The following CTNNA2 variants were observed in gnomAD, a reference collection of about 807,000 sequenced individuals.
CTNNA2 encodes the protein catenin alpha-2.
CTNNA2 carries 42 observed loss-of-function variants against 101.0 expected under a neutral mutation model. The observed-to-expected ratio is 0.42, with a 90% CI of 0.32 to 0.54. CTNNA2 has a LOEUF of 0.54. Among genes scored for constraint, CTNNA2 ranks in the 20% least tolerant of loss-of-function variants. The pLI is 0.14. For synonymous variants in CTNNA2, 450 were observed against 456.4 expected, an observed-to-expected ratio of 0.99 and a Z score of 0.18; for missense variants, 871 against 1,223.1, an observed-to-expected ratio of 0.71 and a Z score of 4.29.
chr2:79,443,896 T>C (rs2104520763), intron 4 of CTNNA2, among the ~76,000 whole-genome samples: 1 of 120,370 alleles, frequency 8.3e-6, no homozygotes, highest in East Asian at 3.3e-4. Context: ...ATCTTATTTG[T>C]ATACATACTC....
intron 2 of CTNNA2, among the ~76,000 whole-genome samples, chr2:79,654,376 G>T (rs1165817392): frequency 6.6e-6 from 1 of 152,160 alleles, no homozygotes; most frequent in Non-Finnish European, 1.5e-5. Context: ...GACCAGTGTG[G>T]CTCTAGGGAG....
intron 2 of CTNNA2, among the ~76,000 whole-genome samples, chr2:79,223,583 G>A (rs545034536): frequency 6.6e-6 from 1 of 152,140 alleles, no homozygotes; most frequent in Non-Finnish European, 1.5e-5. Context: ...TCACCCATCA[G>A]TAAGACAGCA....
At chr2:79,741,067 C>T (rs945367350) in intron 2 of CTNNA2, among the ~76,000 whole-genome samples, 31 of 132,594 alleles carry the variant, frequency 2.3e-4, no homozygotes, top group African/African-American at 5.2e-4. Context: ...GGCAAGAGAA[C>T]GGGCACGGCA....
chr2:79,395,400 A>G (rs906060597), intron 4 of CTNNA2, among the ~76,000 whole-genome samples: 2 of 151,288 alleles, frequency 1.3e-5, no homozygotes, highest in Non-Finnish European at 2.9e-5. Flanking sequence ...CCTCCCCCCA[A>G]CCCACAACAG....
chr2:79,977,990 C>T (rs1444789612), intron 7 of CTNNA2, among the ~76,000 whole-genome samples: 3 of 152,136 alleles, frequency 2.0e-5, no homozygotes. Context: ...AATACTAGTA[C>T]AGAGCAGCAG....
chr2:80,313,647 G>A (rs780662366), intron 7 of CTNNA2: 40 of 1,605,998 alleles, frequency 2.5e-5, no homozygotes, highest in Non-Finnish European at 3.1e-5. Context: ...ACCATGTCTG[G>A]AGCACAGGTA....
At chr2:80,601,059 T>C (rs1697454890) in intron 15 of CTNNA2, among the ~76,000 whole-genome samples, 1 of 152,146 alleles carries the variant, frequency 6.6e-6, no homozygotes, top group African/African-American at 2.4e-5. Flanking sequence ...GTCCAGGAAG[T>C]AAATATTCCC....
At chr2:79,836,616 T>C (rs1224146582) in intron 3 of CTNNA2, among the ~76,000 whole-genome samples, 1 of 152,186 alleles carries the variant, frequency 6.6e-6, no homozygotes, top group Non-Finnish European at 1.5e-5. Flanking sequence ...TTGAAACATG[T>C]AGGGAATAAT....
intron 7 of CTNNA2, among the ~76,000 whole-genome samples, chr2:80,167,259 T>C (rs1048446449): frequency 2.6e-5 from 4 of 152,206 alleles, no homozygotes; most frequent in African/African-American, 9.7e-5. Flanking sequence ...AATATATTTT[T>C]CTTGTTATTA....
intron 9 of CTNNA2, among the ~76,000 whole-genome samples, chr2:80,512,718 A>G (rs894007286): frequency 1.3e-5 from 2 of 151,532 alleles, no homozygotes; most frequent in African/African-American, 4.9e-5. Context: ...GAATCACTAC[A>G]TTTGTTCACC....
intron 7 of CTNNA2, among the ~76,000 whole-genome samples, chr2:80,180,391 A>C (rs1050232749): frequency 6.6e-6 from 1 of 152,166 alleles, no homozygotes; most frequent in East Asian, 1.9e-4. Flanking sequence ...CTTGCTGTCA[A>C]TTTCAGTTCT....
intron 4 of CTNNA2, among the ~76,000 whole-genome samples, chr2:79,485,235 A>T (rs950920390): frequency 1.3e-5 from 2 of 152,160 alleles, no homozygotes; most frequent in Non-Finnish European, 2.9e-5. Flanking sequence ...AAAAAAATAC[A>T]ATTTTTCTTT....
At chr2:80,186,705 A>T (rs74714018) in intron 7 of CTNNA2, among the ~76,000 whole-genome samples, 1 of 152,182 alleles carries the variant, frequency 6.6e-6, no homozygotes, top group Non-Finnish European at 1.5e-5. Flanking sequence ...TTTGATGCCA[A>T]GCCCACTTCT....
chr2:79,282,188 G>C (rs1675406652), intron 2 of CTNNA2, among the ~76,000 whole-genome samples: 2 of 152,122 alleles, frequency 1.3e-5, no homozygotes, highest in Admixed American at 1.3e-4. Context: ...GAAATATTAA[G>C]TGGAACTATA....
chr2:79,888,315 C>T (rs750059252), intron 6 of CTNNA2, among the ~76,000 whole-genome samples: 4 of 152,096 alleles, frequency 2.6e-5, no homozygotes, highest in Admixed American at 6.5e-5. Context: ...TGAGCTATAC[C>T]GCTTCACTTT....
At chr2:80,396,819 C>G (rs750056538) in intron 8 of CTNNA2, among the ~76,000 whole-genome samples, 1 of 152,154 alleles carries the variant, frequency 6.6e-6, no homozygotes, top group African/African-American at 2.4e-5. Flanking sequence ...AATCAAAGGC[C>G]TAATTCTTAT....
At chr2:80,355,342 G>T (rs1673683403) in intron 7 of CTNNA2, among the ~76,000 whole-genome samples, 1 of 152,124 alleles carries the variant, frequency 6.6e-6, no homozygotes. Flanking sequence ...CTGATAAAAA[G>T]TCTGCATGCT....
chr2:79,655,267 A>G (rs1193226715), intron 2 of CTNNA2, among the ~76,000 whole-genome samples: 1 of 152,188 alleles, frequency 6.6e-6, no homozygotes, highest in East Asian at 1.9e-4. Flanking sequence ...ATACAGATTA[A>G]ATGAAAGAAA....
chr2:79,561,120 A>T (rs1483286911), intron 1 of CTNNA2, among the ~76,000 whole-genome samples: 2 of 151,920 alleles, frequency 1.3e-5, no homozygotes, highest in Non-Finnish European at 2.9e-5. Context: ...TACTGTCTGC[A>T]CAGTGTTTCC....
Sources: gnomAD v4.1 joint callset for allele counts (sites outside exome capture counted in the v4.1 genomes callset) on GRCh38, gnomAD v4.1.1 for gene constraint, MANE v1.5 for transcripts, NCBI Gene and HGNC (gene_info 2026-07-23, HGNC 2026-07-21) for gene names.